Variants in WDSUB1 observed in about 807,000 individuals in gnomAD.
WDSUB1 encodes the protein WD repeat, sterile alpha motif and U-box domain containing 1.
Under a neutral mutation model 53.9 loss-of-function variants are expected in WDSUB1, and 49 were observed. The observed-to-expected ratio is 0.91, with a 90% CI of 0.72 to 1.15. The LOEUF (loss-of-function observed/expected upper bound fraction) is 1.15, where lower values mean the gene tolerates loss of function less well. Among genes scored for constraint, WDSUB1 ranks in the 50% most tolerant of loss-of-function variants. The probability of loss-of-function intolerance (pLI) is 0.00; values close to 1 mark genes in which losing one functional copy is unlikely to be tolerated. For synonymous variants in WDSUB1, 194 were observed against 200.6 expected (o/e 0.97, Z 0.28); for missense variants, 514 against 562.0 (o/e 0.91, Z 0.86).
In WDSUB1 at chr2:159,279,859, TCAC is replaced by T. The variant is rs1410495062; in HGVS notation, c.482_484del (p.Gly161del). 4 of 1,612,656 alleles carry T rather than the reference TCAC, an allele frequency of 2.5e-6. No individual in the cohort carries two copies. The highest frequency in any genetic ancestry group is 1.7e-5 in the Admixed American group (1 of 60,018). ...CATTTTATCATCCCACACTGTTAAATCACCACATGAGGAGCCAGTGACAAAGAA... is the reference window on the plus strand; with the variant it reads ...CATTTTATCATCCCACACTGTTAAATCACATGAGGAGCCAGTGACAAAGAA... On this transcript the variant is annotated inframe_deletion, in exon 3 of 11. Coordinates refer to ENST00000359774, the MANE Select transcript of WDSUB1 (RefSeq NM_001128212.3).
chr2:159,261,378 C>T (rs12618342), intron 5 of WDSUB1, among the ~76,000 whole-genome samples: 63,965 of 151,970 alleles, frequency 0.42, 14,747 homozygotes, highest in Non-Finnish European at 0.54. Context: ...CAGATACCAA[C>T]GGATAACTGT....
At chr2:159,279,174 A>G (rs1172102844) in intron 3 of WDSUB1, among the ~76,000 whole-genome samples, 1 of 152,338 alleles carries the variant, frequency 6.6e-6, no homozygotes, top group African/African-American at 2.4e-5. Context: ...CAAAAGCTAC[A>G]GAACTCCCAT....
chr2:159,265,830 G>A (rs1362435941), intron 5 of WDSUB1, among the ~76,000 whole-genome samples: 2 of 152,196 alleles, frequency 1.3e-5, no homozygotes, highest in Non-Finnish European at 2.9e-5. Context: ...CTGGAGCAAA[G>A]TTATTAGGGG....
At chr2:159,276,735 T>C (rs990622730) in intron 3 of WDSUB1, among the ~76,000 whole-genome samples, 6 of 152,130 alleles carry the variant, frequency 3.9e-5, no homozygotes, top group South Asian at 4.1e-4. Flanking sequence ...AATTAAGAAA[T>C]TGAGGCTGGG....
intron 1 of WDSUB1, 166 bp downstream of exon 1, chr2:159,286,417 G>C (rs2061800857): frequency 6.6e-6 from 1 of 152,338 alleles, no homozygotes; most frequent in African/African-American, 2.4e-5. Flanking sequence ...CCGGGCCAAG[G>C]GTGCACGAAC....
At chr2:159,279,209 CTAAA>C (rs1258777904) in intron 3 of WDSUB1, among the ~76,000 whole-genome samples, 2 of 152,164 alleles carry the variant, frequency 1.3e-5, no homozygotes, top group Non-Finnish European at 2.9e-5. Flanking sequence ...AATGAAAACT[CTAAA>C]GAAAGAACTT....
At chr2:159,267,731 G>A (rs917091771) in intron 5 of WDSUB1, among the ~76,000 whole-genome samples, 5 of 151,798 alleles carry the variant, frequency 3.3e-5, no homozygotes, top group African/African-American at 9.7e-5. Flanking sequence ...TTTCCCATAC[G>A]TATTCATTCT....
chr2:159,255,533 C>G (rs1396191879), intron 9 of WDSUB1, among the ~76,000 whole-genome samples: 8 of 151,902 alleles, frequency 5.3e-5, no homozygotes. Flanking sequence ...TCAAGTATAG[C>G]CTGAGTATAG....
intron 10 of WDSUB1, among the ~76,000 whole-genome samples, chr2:159,246,545 C>T (rs1003298051): frequency 5.3e-5 from 8 of 151,962 alleles, no homozygotes; most frequent in South Asian, 2.1e-4. Flanking sequence ...CTGGAAGACT[C>T]AGCTAGGAAA....
intron 2 of WDSUB1, among the ~76,000 whole-genome samples, chr2:159,281,388 G>A (rs1275741821): frequency 2.0e-5 from 3 of 152,066 alleles, no homozygotes; most frequent in Non-Finnish European, 4.4e-5. Flanking sequence ...ACAGGCACAC[G>A]CCACCACGCC....
chr2:159,255,114 A>G (rs1451704995), intron 9 of WDSUB1, among the ~76,000 whole-genome samples: 2 of 152,112 alleles, frequency 1.3e-5, no homozygotes, highest in East Asian at 3.9e-4. Context: ...TGGGCAACAG[A>G]GTGAGACCCT....
Position 159,284,592 on chromosome 2 carries a change from T to C in WDSUB1, c.-24-1499A>G, listed in dbSNP as rs373423098. Among the ~76,000 whole-genome samples the C allele has an allele frequency of 2.6e-5, 4 of 152,204 alleles. No homozygotes were observed. The East Asian group carries it at 5.8e-4, about 22-fold the overall frequency. ...TCATCCTGTCTGATAAATAGTAAAATTATACAAAAGACTTGAGGTGAGGAA... is the reference window on the plus strand; with the variant it reads ...TCATCCTGTCTGATAAATAGTAAAACTATACAAAAGACTTGAGGTGAGGAA... On this transcript the variant is annotated intron_variant, in intron 1 of 10. Coordinates refer to ENST00000359774, the MANE Select transcript of WDSUB1 (RefSeq NM_001128212.3).
At chr2:159,245,510 G>GCAA (rs2060774135) in intron 10 of WDSUB1, among the ~76,000 whole-genome samples, 1 of 147,878 alleles carries the variant, frequency 6.8e-6, no homozygotes, top group Non-Finnish European at 1.5e-5. Context: ...TCCAGCGTGG[G>GCAA]CAACAGAGCA....
intron 1 of WDSUB1, 25 bp from the exon 2 acceptor site, chr2:159,283,118 T>G: frequency 1.3e-6 from 2 of 1,545,394 alleles, no homozygotes; most frequent in Non-Finnish European, 1.7e-6. Flanking sequence ...CAGATAAAGA[T>G]TATTTATTCT....
intron 9 of WDSUB1, among the ~76,000 whole-genome samples, chr2:159,253,862 A>G (rs1268448632): frequency 1.3e-5 from 2 of 152,240 alleles, no homozygotes; most frequent in African/African-American, 4.8e-5. Flanking sequence ...AATACCATTT[A>G]TAGAAGATTA....
At chr2:159,251,026 G>A (rs184585212) in intron 9 of WDSUB1, among the ~76,000 whole-genome samples, 1 of 152,048 alleles carries the variant, frequency 6.6e-6, no homozygotes, top group East Asian at 1.9e-4. Flanking sequence ...CACTTGAGAG[G>A]CCAAGGTGGG....
At chr2:159,238,232 A>G (rs571135150) in intron 10 of WDSUB1, among the ~76,000 whole-genome samples, 3 of 151,736 alleles carry the variant, frequency 2.0e-5, no homozygotes, top group South Asian at 2.1e-4. Flanking sequence ...CACTTCATCA[A>G]TTTCTCCCTT....
chr2:159,257,647 C>T, intron 8 of WDSUB1, 111 bp downstream of exon 8: 1 of 907,432 alleles, frequency 1.1e-6, no homozygotes, highest in Non-Finnish European at 1.7e-6. Context: ...CTTGGCCTCC[C>T]AAAGTGCTGG....
intron 1 of WDSUB1, 85 bp from the exon 2 acceptor site, chr2:159,283,178 T>C: frequency 8.3e-7 from 1 of 1,207,398 alleles, no homozygotes; most frequent in Admixed American, 2.5e-5. Flanking sequence ...CCAAAATGTT[T>C]TAATTTGCTC....
Sources: allele counts gnomAD v4.1 joint callset (sites outside exome capture counted in the v4.1 genomes callset), GRCh38; gene constraint gnomAD v4.1.1; transcripts MANE v1.5; gene names NCBI Gene and HGNC (gene_info 2026-07-23, HGNC 2026-07-21).